GLIS3: variants seen among roughly 807,000 people sequenced by gnomAD.
GLIS3 encodes GLIS family zinc finger 3.
In GLIS3, 53 loss-of-function variants were observed where a neutral mutation model predicts 78.6. That is an observed-to-expected ratio of 0.67 (90% CI 0.54 to 0.85). The LOEUF is 0.85. Among genes scored for constraint, GLIS3 ranks in the 40% least tolerant of loss-of-function variants. The pLI, the probability that GLIS3 is intolerant of heterozygous loss-of-function variation, is 0.00. For synonymous variants in GLIS3, 684 were observed against 509.9 expected, an observed-to-expected ratio of 1.34 and a Z score of -4.60; for missense variants, 1,703 against 1,231.1, an observed-to-expected ratio of 1.38 and a Z score of -5.74.
chr9:4,114,013 C>T (rs1306119994), intron 4 of GLIS3, among the ~76,000 whole-genome samples: 2 of 80,926 alleles, frequency 2.5e-5, no homozygotes, highest in South Asian at 3.4e-4. Context: ...AAAATTTAAG[C>T]GGAGGCCCAC....
chr9:4,413,560 T>C, the GLIS3 span, among the ~76,000 whole-genome samples: 1 of 152,148 alleles, frequency 6.6e-6, no homozygotes, highest in Middle Eastern at 3.2e-3. Context: ...TATATCCTGC[T>C]TGTGGGTAAT....
chr9:4,094,381 C>A (rs2130770496), intron 4 of GLIS3, among the ~76,000 whole-genome samples: 1 of 152,214 alleles, frequency 6.6e-6, no homozygotes, highest in Non-Finnish European at 1.5e-5. Context: ...GCCAACATTT[C>A]CTCTGTTTTA....
chr9:3,867,773 G>A (rs1020724920), intron 8 of GLIS3, among the ~76,000 whole-genome samples: 13 of 151,872 alleles, frequency 8.6e-5, no homozygotes, highest in East Asian at 1.9e-4. Flanking sequence ...GTGTGTATGC[G>A]TGTGCATGCA....
At chr9:4,244,176 C>T (rs1310555620) in intron 2 of GLIS3, among the ~76,000 whole-genome samples, 1 of 152,184 alleles carries the variant, frequency 6.6e-6, no homozygotes. Flanking sequence ...TTACATGCAC[C>T]TGTAGATTAA....
chr9:4,424,799 G>A, the GLIS3 span, among the ~76,000 whole-genome samples: 1 of 151,704 alleles, frequency 6.6e-6, no homozygotes, highest in Admixed American at 6.6e-5. Context: ...TAAACTTCTG[G>A]GCTCAAGTGA....
At position 4,044,639 on chromosome 9, in the gene GLIS3, G is replaced by T. The variant is rs1220644039; in HGVS notation, c.1710+73129C>A. Among the ~76,000 whole-genome samples, 3 of 152,204 alleles carry T rather than the reference G, an allele frequency of 2.0e-5. No homozygotes were observed. The East Asian group carries it at 5.8e-4, about 29-fold the overall frequency. On this transcript the variant is annotated intron_variant, in intron 4 of 10. Coordinates refer to ENST00000381971, the MANE Select transcript of GLIS3 (RefSeq NM_001042413.2). ...CACATTGCAGTCTGGGTTGGGTACA[G>T]TAGACCTGGTGGTCTACAAGGTGAA...
intron 4 of GLIS3, among the ~76,000 whole-genome samples, chr9:4,100,829 G>C (rs1022790692): frequency 6.6e-6 from 1 of 152,084 alleles, no homozygotes; most frequent in Admixed American, 6.5e-5. Context: ...CTAACCCTGG[G>C]GTAGAAACTG....
At chr9:3,935,703 G>C (rs945629431) in intron 5 of GLIS3, among the ~76,000 whole-genome samples, 1 of 151,990 alleles carries the variant, frequency 6.6e-6, no homozygotes. Flanking sequence ...ACAAAATAGG[G>C]CATTTTAACA....
chr9:4,351,382 G>T (rs978112035), upstream of GLIS3, among the ~76,000 whole-genome samples: 10 of 140,382 alleles, frequency 7.1e-5, no homozygotes, highest in Middle Eastern at 3.4e-3. Flanking sequence ...TCAAGCATGG[G>T]CAACAGAGTG....
intron 2 of GLIS3, among the ~76,000 whole-genome samples, chr9:4,166,130 A>G (rs1010466181): frequency 1.3e-5 from 2 of 152,236 alleles, no homozygotes; most frequent in African/African-American, 2.4e-5. Context: ...AATGCAGAAA[A>G]CAATGGCACA....
At chr9:4,468,942 A>C in the GLIS3 span, among the ~76,000 whole-genome samples, 2 of 152,210 alleles carry the variant, frequency 1.3e-5, no homozygotes, top group African/African-American at 4.8e-5. Flanking sequence ...ATGGAGGAAG[A>C]TCTACCAAGC....
chr9:4,030,608 T>G (rs1336619161), intron 4 of GLIS3, among the ~76,000 whole-genome samples: 2 of 152,208 alleles, frequency 1.3e-5, no homozygotes, highest in Non-Finnish European at 2.9e-5. Flanking sequence ...TTTTGAATTT[T>G]AGAGACAGGG....
At chr9:4,432,867 C>T in the GLIS3 span, among the ~76,000 whole-genome samples, 2 of 152,110 alleles carry the variant, frequency 1.3e-5, no homozygotes, top group Non-Finnish European at 1.5e-5. Flanking sequence ...TCTCGAACTC[C>T]TAACTCCAGG....
intron 4 of GLIS3, among the ~76,000 whole-genome samples, chr9:4,107,689 C>CA (rs1236383875): frequency 6.6e-6 from 1 of 151,310 alleles, no homozygotes; most frequent in Non-Finnish European, 1.5e-5. Context: ...ACAGTGATCT[C>CA]AGAGACAATC....
At chr9:4,416,376 G>A in the GLIS3 span, among the ~76,000 whole-genome samples, 1 of 150,556 alleles carries the variant, frequency 6.6e-6, no homozygotes, top group South Asian at 2.1e-4. Context: ...TCTTACTGTT[G>A]GTTATAAATG....
intron 4 of GLIS3, among the ~76,000 whole-genome samples, chr9:4,106,726 A>G (rs1830782695): frequency 6.6e-6 from 1 of 152,188 alleles, no homozygotes; most frequent in Non-Finnish European, 1.5e-5. Context: ...TCAGGGTCTT[A>G]GTAAAATAGC....
chr9:4,396,034 A>G, the GLIS3 span, among the ~76,000 whole-genome samples: 1 of 151,818 alleles, frequency 6.6e-6, no homozygotes, highest in African/African-American at 2.4e-5. Context: ...GGCCTCCCAA[A>G]GTGCTGGGAT....
At chr9:4,261,416 C>T (rs530215961) in intron 2 of GLIS3, among the ~76,000 whole-genome samples, 1 of 152,116 alleles carries the variant, frequency 6.6e-6, no homozygotes, top group East Asian at 1.9e-4. Flanking sequence ...AAAAAGAGAA[C>T]AGAAGGGATG....
At chr9:4,360,267 A>T in the GLIS3 span, among the ~76,000 whole-genome samples, 6 of 152,138 alleles carry the variant, frequency 3.9e-5, no homozygotes, top group African/African-American at 1.4e-4. Flanking sequence ...TGTTTTCCAC[A>T]TGTGAAGAGG....
Sources: gnomAD v4.1 joint callset for allele counts (sites outside exome capture counted in the v4.1 genomes callset) on GRCh38, gnomAD v4.1.1 for gene constraint, MANE v1.5 for transcripts, NCBI Gene and HGNC (gene_info 2026-07-23, HGNC 2026-07-21) for gene names.